Variants in TCF12 observed in about 807,000 individuals in gnomAD.
TCF12 encodes the protein DNA-binding protein HTF4.
TCF12 carries 45 observed loss-of-function variants against 86.0 expected under a neutral mutation model. The observed-to-expected ratio is 0.52, with a 90% CI of 0.41 to 0.67. The LOEUF (loss-of-function observed/expected upper bound fraction) is 0.67. Ranked by LOEUF, TCF12 falls within the 30% of genes least tolerant of loss-of-function variation. The pLI, the probability that TCF12 is intolerant of heterozygous loss-of-function variation, is 0.00. For missense variants in TCF12, 881 were observed against 859.9 expected, an observed-to-expected ratio of 1.02 and a Z score of -0.31; for synonymous variants, 330 against 299.6, an observed-to-expected ratio of 1.10 and a Z score of -1.05.
chr15:56,993,416 A>G (rs1596007442), intron 3 of TCF12, among the ~76,000 whole-genome samples: 1 of 152,140 alleles, frequency 6.6e-6, no homozygotes, highest in East Asian at 1.9e-4. Context: ...TTGTTCTTCC[A>G]TTTCTTGTTT....
In TCF12 at chr15:57,104,435, CTTTTTTTTTTTTTTTTT is replaced by C. The variant is rs71113062; in HGVS notation, c.325+12552_325+12568del. Among the ~76,000 whole-genome samples the C allele has an allele frequency of 3.9e-5, 4 of 103,362 alleles. No homozygotes were observed. In the East Asian group the frequency reaches 1.1e-3, roughly 28 times the overall value. The allele number at this position is 103,362 out of a possible 152,430, so 67.8% of individuals were successfully genotyped here. The stretch of plus-strand genomic sequence containing the variant: ...AGCCACAAGAATAAATTTTTTTTTT[CTTTTTTTTTTTTTTTTT>C]TTTTTTTGAGATGGAGTCTTTTTCT... On this transcript the variant is annotated intron_variant, in intron 5 of 20. Coordinates refer to ENST00000333725, the MANE Select transcript of TCF12 (RefSeq NM_207037.2).
intron 4 of TCF12, chr15:57,072,833 T>A: frequency 1.7e-6 from 1 of 590,884 alleles, no homozygotes; most frequent in Non-Finnish European, 2.4e-6. Context: ...GGGTGTGTTT[T>A]AAAGTTAGGT....
Position 57,263,265 on chromosome 15 carries a change from G to T in TCF12, c.1736G>T (p.Gly579Val), listed in dbSNP as rs776398394. The part of the protein sequence containing the change: ...SQKDIKVSSR[G>V]RTSSTNEDED... ...AAAGATATCAAGGTTTCATCTAGAG[G>T]CAGAACAAGGTATTTGTTAGCATCC... The change falls in exon 18 of 21, where the codon GGC becomes GTC. Residue 579 changes from glycine to valine, a missense_variant. Coordinates refer to ENST00000333725, the MANE Select transcript of TCF12 (RefSeq NM_207037.2). 5.6e-6 allele frequency: 9 copies of T among 1,608,636 alleles called. No individual in the cohort carries two copies. In the South Asian group the frequency reaches 1.0e-4, roughly 18 times the overall value.
intron 8 of TCF12, among the ~76,000 whole-genome samples, chr15:57,208,690 A>G (rs2057971517): frequency 6.6e-6 from 1 of 150,744 alleles, no homozygotes. Flanking sequence ...CAGCCTGGAA[A>G]GAAAGAACTT....
chr15:56,980,612 G>A (rs2062844207), intron 3 of TCF12, among the ~76,000 whole-genome samples: 1 of 152,178 alleles, frequency 6.6e-6, no homozygotes, highest in South Asian at 2.1e-4. Flanking sequence ...TGCTGCGCCT[G>A]CTGTTCATAG....
In TCF12 at chr15:57,136,958, G is replaced by GTTTTTTTTTTTTTTTTTTTTTTT. The variant is rs869113042; in HGVS notation, c.326-29433_326-29432insTTTTTTTTTTTTTTTTTTTTTTT. Among the ~76,000 whole-genome samples, 7 of 83,044 alleles carry GTTTTTTTTTTTTTTTTTTTTTTT rather than the reference G, an allele frequency of 8.4e-5. 3 individuals are homozygous for GTTTTTTTTTTTTTTTTTTTTTTT. Among genetic ancestry groups the GTTTTTTTTTTTTTTTTTTTTTTT allele is most frequent in the African/African-American group, 2.4e-4 (5 of 20,800 alleles). The allele number at this position is 83,044 out of a possible 152,430, so 54.5% of individuals were successfully genotyped here. On this transcript the variant is annotated intron_variant, in intron 5 of 20. Coordinates refer to ENST00000333725, the MANE Select transcript of TCF12 (RefSeq NM_207037.2). ...TAGACAATAGCCACTGCTTCTGGCAGTTTTTTTTTTTGTTTTTTTTTTTTT... is the reference window on the plus strand; with the variant it reads ...TAGACAATAGCCACTGCTTCTGGCAGTTTTTTTTTTTTTTTTTTTTTTTTTTTTTTTTTTGTTTTTTTTTTTTT...
chr15:57,042,609 G>GCACTGTGTTGCCCAA (rs1416988096), intron 3 of TCF12, among the ~76,000 whole-genome samples: 1 of 151,900 alleles, frequency 6.6e-6, no homozygotes, highest in African/African-American at 2.4e-5. Flanking sequence ...AGACGGGATC[G>GCACTGTGTTGCCCAA]CACTGTGTTG....
At chr15:57,147,825 A>T (rs2151437857) in intron 5 of TCF12, among the ~76,000 whole-genome samples, 1 of 152,212 alleles carries the variant, frequency 6.6e-6, no homozygotes, top group East Asian at 1.9e-4. Context: ...TGTGAGTTAT[A>T]ATGGTTTTAC....
chr15:57,149,301 A>G (rs1190285207), intron 5 of TCF12, among the ~76,000 whole-genome samples: 1 of 152,194 alleles, frequency 6.6e-6, no homozygotes, highest in Non-Finnish European at 1.5e-5. Context: ...AAAGACCTAC[A>G]CAACAAAATA....
intron 5 of TCF12, among the ~76,000 whole-genome samples, chr15:57,157,822 C>T (rs1841695): frequency 0.58 from 87,593 of 151,870 alleles, 30,016 homozygotes; most frequent in Non-Finnish European, 0.77. Flanking sequence ...TTTAGACTCC[C>T]AAAGTGCTGG....
intron 8 of TCF12, among the ~76,000 whole-genome samples, chr15:57,207,452 C>A (rs182334509): frequency 1.3e-5 from 2 of 152,166 alleles, no homozygotes; most frequent in Admixed American, 6.5e-5. Context: ...AGGCGGATCA[C>A]TTAAGGTCAG....
intron 8 of TCF12, among the ~76,000 whole-genome samples, chr15:57,207,214 G>A (rs1381729043): frequency 1.3e-5 from 2 of 152,094 alleles, no homozygotes; most frequent in East Asian, 3.9e-4. Context: ...TGAATCATGT[G>A]TCATGTTTCT....
chr15:56,931,746 T>C (rs1246641889), intron 3 of TCF12, among the ~76,000 whole-genome samples: 3 of 152,206 alleles, frequency 2.0e-5, no homozygotes, highest in Admixed American at 6.5e-5. Flanking sequence ...GAGCTTGTTA[T>C]TGGCTCAGAC....
chr15:56,990,299 C>T (rs1334351840), intron 3 of TCF12, among the ~76,000 whole-genome samples: 1 of 151,086 alleles, frequency 6.6e-6, no homozygotes, highest in Non-Finnish European at 1.5e-5. Context: ...TAGGCAGCAT[C>T]AGTAGAGCAA....
intron 3 of TCF12, among the ~76,000 whole-genome samples, chr15:56,962,050 G>A (rs943335831): frequency 6.6e-6 from 1 of 150,540 alleles, no homozygotes; most frequent in South Asian, 2.1e-4. Context: ...GGAGAATGGC[G>A]TGAACCCGGG....
At chr15:57,251,797 T>C (rs1460278654) in intron 14 of TCF12, among the ~76,000 whole-genome samples, 1 of 152,218 alleles carries the variant, frequency 6.6e-6, no homozygotes, top group Non-Finnish European at 1.5e-5. Context: ...CTTTTGTATT[T>C]TACACTTTCT....
chr15:57,107,626 C>T (rs1481121860), intron 5 of TCF12, among the ~76,000 whole-genome samples: 1 of 152,098 alleles, frequency 6.6e-6, no homozygotes, highest in African/African-American at 2.4e-5. Context: ...TGGCTCACAC[C>T]TGTAATCCCA....
At chr15:57,117,177 C>A (rs1030613654) in intron 5 of TCF12, among the ~76,000 whole-genome samples, 4 of 151,510 alleles carry the variant, frequency 2.6e-5, no homozygotes, top group Non-Finnish European at 5.9e-5. Context: ...GGAGCTGTGA[C>A]TACAGGTGTG....
chr15:57,222,889 A>G (rs919575354), intron 8 of TCF12, among the ~76,000 whole-genome samples: 31 of 148,366 alleles, frequency 2.1e-4, no homozygotes, highest in South Asian at 2.1e-4. Context: ...TATTCCAGGT[A>G]TAAAAATTGC....
Sources: allele counts gnomAD v4.1 joint callset (sites outside exome capture counted in the v4.1 genomes callset), GRCh38; gene constraint gnomAD v4.1.1; transcripts MANE v1.5; gene names NCBI Gene and HGNC (gene_info 2026-07-23, HGNC 2026-07-21).